PPP2R3A: variants seen among roughly 807,000 people sequenced by gnomAD.
The protein encoded by PPP2R3A is serine/threonine-protein phosphatase 2A regulatory subunit B'' subunit alpha.
PPP2R3A carries 80 observed loss-of-function variants against 106.9 expected under a neutral mutation model. The ratio of observed to expected loss-of-function variants is 0.75; its 90% CI spans 0.62 to 0.90. The LOEUF (loss-of-function observed/expected upper bound fraction) is 0.90, where lower values mean the gene tolerates loss of function less well. PPP2R3A is among the 40% of genes least tolerant of loss of function. The probability of loss-of-function intolerance (pLI) is 0.00; values close to 1 mark genes in which losing one functional copy is unlikely to be tolerated. For missense variants in PPP2R3A, 1,386 were observed against 1,350.4 expected (o/e 1.03, Z -0.41); for synonymous variants, 483 against 468.3 (o/e 1.03, Z -0.41).
intron 5 of PPP2R3A, chr3:136,055,131 C>T (rs1935816776): frequency 2.9e-6 from 2 of 686,542 alleles, no homozygotes; most frequent in Non-Finnish European, 2.3e-6. Context: ...GGCTTTTTTC[C>T]TCAAAGATTC....
chr3:136,086,339 G>A (rs1257055979), intron 8 of PPP2R3A, among the ~76,000 whole-genome samples: 11 of 151,896 alleles, frequency 7.2e-5, no homozygotes, highest in South Asian at 2.1e-4. Flanking sequence ...AAAATTAGCC[G>A]GGTGTGGTGG....
At chr3:136,098,550 C>T (rs1388526214) in intron 10 of PPP2R3A, among the ~76,000 whole-genome samples, 1 of 152,164 alleles carries the variant, frequency 6.6e-6, no homozygotes, top group Non-Finnish European at 1.5e-5. Context: ...ATTTGAACAG[C>T]GGTCTCCTAG....
chr3:135,981,569 C>A (rs1003956097), intron 1 of PPP2R3A, among the ~76,000 whole-genome samples: 1 of 151,790 alleles, frequency 6.6e-6, no homozygotes, highest in African/African-American at 2.4e-5. Context: ...TTTCTTCCTT[C>A]TCTTCCTTCA....
At chr3:136,076,847 T>C (rs990181628) in intron 6 of PPP2R3A, among the ~76,000 whole-genome samples, 2 of 151,250 alleles carry the variant, frequency 1.3e-5, no homozygotes, top group African/African-American at 4.9e-5. Flanking sequence ...CTTGGGAGGC[T>C]GAGGCAGGAG....
intron 5 of PPP2R3A, among the ~76,000 whole-genome samples, chr3:136,070,013 C>G (rs1936376587): frequency 6.6e-6 from 1 of 152,152 alleles, no homozygotes. Flanking sequence ...AAGATTCAAA[C>G]TACTTGACTA....
intron 1 of PPP2R3A, among the ~76,000 whole-genome samples, chr3:135,999,246 G>C (rs898697496): frequency 1.3e-5 from 2 of 152,174 alleles, no homozygotes; most frequent in African/African-American, 4.8e-5. Context: ...TAATCTTCAT[G>C]AGATGGGTAT....
chr3:136,001,779 T>C lies in PPP2R3A; in HGVS notation c.281T>C (p.Ile94Thr), dbSNP rs1933633157. The change falls in exon 2 of 14, where the codon ATA (isoleucine) becomes ACA (threonine). Residue 94 changes from isoleucine (I) to threonine (T), a missense_variant. Ile to Thr is a moderately conservative substitution (Grantham distance 89, BLOSUM62 -1). Coordinates refer to ENST00000264977, the MANE Select transcript of PPP2R3A (RefSeq NM_002718.5). ...GDYPQQAFTG[I>T]PRVKRGSTFQ... ...TATCCCCAACAGGCCTTCACAGGCA[T>C]ACCCAGGGTCAAGAGAGGATCTACA... is the stretch of plus-strand genomic sequence containing the variant. 6.2e-7 allele frequency: 1 copy of C among 1,614,182 alleles called. No individual in the cohort carries two copies. Among genetic ancestry groups the C allele is most frequent in the East Asian group, 2.2e-5 (1 of 44,880 alleles).
intron 2 of PPP2R3A, among the ~76,000 whole-genome samples, chr3:136,026,416 A>G (rs1295683712): frequency 6.6e-6 from 1 of 152,200 alleles, no homozygotes; most frequent in East Asian, 1.9e-4. Context: ...TTTAAAAGGA[A>G]CTTGTTTTTG....
intron 10 of PPP2R3A, among the ~76,000 whole-genome samples, chr3:136,094,063 A>G (rs1937159772): frequency 6.6e-6 from 1 of 152,256 alleles, no homozygotes; most frequent in African/African-American, 2.4e-5. Flanking sequence ...GATACATACT[A>G]CACACGACTG....
chr3:136,041,215 A>G (rs1400906694), intron 4 of PPP2R3A, among the ~76,000 whole-genome samples: 1 of 122,560 alleles, frequency 8.2e-6, no homozygotes, highest in Non-Finnish European at 1.7e-5. Flanking sequence ...TTGATAGTTT[A>G]TTAGTTTTAC....
chr3:136,054,106 C>T (rs1455215119), intron 5 of PPP2R3A, among the ~76,000 whole-genome samples: 1 of 151,990 alleles, frequency 6.6e-6, no homozygotes. Flanking sequence ...TACTTAAATA[C>T]TATTATTTCT....
intron 3 of PPP2R3A, among the ~76,000 whole-genome samples, chr3:136,036,335 C>T (rs966387727): frequency 1.3e-5 from 2 of 152,148 alleles, no homozygotes; most frequent in Admixed American, 6.5e-5. Context: ...GGTTCCTTCT[C>T]ATATGGGTAG....
chr3:136,039,882 G>A (rs1485389940), intron 3 of PPP2R3A, among the ~76,000 whole-genome samples: 6 of 151,770 alleles, frequency 4.0e-5, no homozygotes, highest in East Asian at 1.9e-4. Flanking sequence ...GCTTTTTATC[G>A]AGAAAAATCA....
intron 5 of PPP2R3A, among the ~76,000 whole-genome samples, chr3:136,069,877 C>A (rs1936371579): frequency 6.6e-6 from 1 of 152,012 alleles, no homozygotes; most frequent in Admixed American, 6.6e-5. Flanking sequence ...TTTTAATATT[C>A]CAATAGTCTT....
intron 10 of PPP2R3A, among the ~76,000 whole-genome samples, chr3:136,093,620 A>T (rs1937148551): frequency 6.6e-6 from 1 of 152,188 alleles, no homozygotes; most frequent in Non-Finnish European, 1.5e-5. Context: ...TCCAAAGAAG[A>T]TATATGCATG....
intron 6 of PPP2R3A, among the ~76,000 whole-genome samples, chr3:136,075,309 T>G (rs1031857944): frequency 6.6e-6 from 1 of 152,314 alleles, no homozygotes; most frequent in East Asian, 1.9e-4. Context: ...AAAATTTTAT[T>G]TGATATTTTA....
intron 13 of PPP2R3A, among the ~76,000 whole-genome samples, chr3:136,131,764 A>G (rs1000769322): frequency 6.6e-6 from 1 of 152,196 alleles, no homozygotes; most frequent in Non-Finnish European, 1.5e-5. Context: ...AACCAACCCA[A>G]ATGTCCATCA....
Position 136,070,569 on chromosome 3 carries a change from T to A in PPP2R3A, c.2544+17T>A. The A allele has an allele frequency of 1.3e-6, 2 of 1,588,038 alleles. No individual in the cohort carries two copies. The highest frequency in any genetic ancestry group is 1.7e-6 in the Non-Finnish European group (2 of 1,166,152). ...ATCACCACGGTAGGCTGAGTCATCT[T>A]TTTTCTTAATATAACTCCATAAGTC... On this transcript the variant is annotated intron_variant, in intron 6 of 13. Transcript: ENST00000264977.
At position 135,965,757 on chromosome 3, in the gene PPP2R3A, C is replaced by T. The variant is rs1195385971; in HGVS notation, c.-533C>T. 6.6e-6 allele frequency: 1 copy of T among 152,208 alleles called. No homozygotes were observed. Among genetic ancestry groups the T allele is most frequent in the African/African-American group, 2.4e-5 (1 of 41,434 alleles). 9.4% of individuals were successfully genotyped at this position (152,208 alleles called of 1,614,324 possible). ...TCGGGCCTCCGCTCTTCACGCGCCG[C>T]ATTCGTAGCCCGAGAGTCCGCGCCG... On this transcript the variant is annotated 5_prime_UTR_variant, in exon 1 of 14. Transcript: ENST00000264977.
Sources: allele counts gnomAD v4.1 joint callset (sites outside exome capture counted in the v4.1 genomes callset), GRCh38; gene constraint gnomAD v4.1.1; transcripts MANE v1.5; gene names NCBI Gene and HGNC (gene_info 2026-07-23, HGNC 2026-07-21).